The following NAV3 variants were observed in gnomAD, a reference collection of about 807,000 sequenced individuals.
The protein encoded by NAV3 is pore membrane and/or filament interacting like protein 1.
Under a neutral mutation model 244.7 loss-of-function variants are expected in NAV3, and 87 were observed. The ratio of observed to expected loss-of-function variants is 0.36; its 90% CI spans 0.30 to 0.42. The LOEUF (loss-of-function observed/expected upper bound fraction) is 0.42, where lower values mean the gene tolerates loss of function less well. NAV3 is among the 20% of genes least tolerant of loss of function. NAV3 has a pLI of 1.00. For missense variants in NAV3, 2,663 were observed against 2,893.3 expected (o/e 0.92, Z 1.83); for synonymous variants, 1,126 against 1,042.2 (o/e 1.08, Z -1.55).
intron 9 of NAV3, among the ~76,000 whole-genome samples, chr12:78,027,943 GTT>G (rs141866599): frequency 3.3e-5 from 5 of 150,956 alleles, no homozygotes; most frequent in Non-Finnish European, 7.4e-5. Flanking sequence ...AAAAGGAAGC[GTT>G]TTTTTTTGTT....
chr12:77,985,914 C>T (rs528421838), intron 5 of NAV3, among the ~76,000 whole-genome samples: 31 of 152,256 alleles, frequency 2.0e-4, no homozygotes, highest in Admixed American at 8.5e-4. Flanking sequence ...TCTTACATAT[C>T]TAAGGAAAGA....
intron 2 of NAV3, among the ~76,000 whole-genome samples, chr12:77,739,990 A>G (rs1868298771): frequency 6.6e-6 from 1 of 152,240 alleles, no homozygotes; most frequent in Non-Finnish European, 1.5e-5. Context: ...ATCAGATTTA[A>G]CAGTTATTTA....
chr12:77,613,432 G>C (rs530157177), intron 2 of NAV3, among the ~76,000 whole-genome samples: 5 of 152,084 alleles, frequency 3.3e-5, no homozygotes, highest in Non-Finnish European at 7.4e-5. Flanking sequence ...TTAGCAGCAG[G>C]GCCAGTGTCA....
Position 78,007,351 on chromosome 12 carries a change from A to C in NAV3, c.1813A>C (p.Ser605Arg), listed in dbSNP as rs761471682. Reference sequence around the variant, plus strand: ...CTGTACCATGACAGTGGCACAAAGCAGTGGGCAGAGCACAGGAAATGGTGC... The same window carrying C: ...CTGTACCATGACAGTGGCACAAAGCCGTGGGCAGAGCACAGGAAATGGTGC... ...GSCTMTVAQS[S>R]GQSTGNGAVQ... The change falls in exon 8 of 40, where the codon AGT (serine) becomes CGT (arginine). Residue 605 changes from serine (S) to arginine (R), a missense_variant. Ser to Arg is a moderately radical substitution (Grantham distance 110, BLOSUM62 -1). This residue lies in a region of NAV3 where 1,521 missense variants were observed against 1,497.0 expected (regional missense o/e 1.02). Coordinates refer to ENST00000397909, the MANE Select transcript of NAV3 (RefSeq NM_001024383.2). 6.8e-6 allele frequency: 11 copies of C among 1,614,086 alleles called. No homozygotes were observed. The highest frequency in any genetic ancestry group is 1.1e-5 in the South Asian group (1 of 91,092).
chr12:77,575,465 C>T (rs1051136054), intron 2 of NAV3, among the ~76,000 whole-genome samples: 46 of 152,002 alleles, frequency 3.0e-4, no homozygotes, highest in Admixed American at 2.9e-3. Flanking sequence ...GGAAAATTAT[C>T]GTGGCATCTC....
At chr12:77,890,912 A>G (rs1377385096) in intron 1 of NAV3, among the ~76,000 whole-genome samples, 1 of 152,222 alleles carries the variant, frequency 6.6e-6, no homozygotes, top group Non-Finnish European at 1.5e-5. Flanking sequence ...TAGTTCAAAG[A>G]GAGGAATCAT....
chr12:78,110,676 CAT>C (rs148753434), intron 12 of NAV3, among the ~76,000 whole-genome samples: 1 of 145,378 alleles, frequency 6.9e-6, no homozygotes, highest in South Asian at 2.2e-4. Flanking sequence ...GAAATAAAGC[CAT>C]ATATATATAT....
chr12:77,985,708 G>T (rs1050496125), intron 5 of NAV3, among the ~76,000 whole-genome samples: 3 of 151,984 alleles, frequency 2.0e-5, no homozygotes, highest in Admixed American at 6.6e-5. Context: ...TAGAGGCCCA[G>T]GATTTGTCTT....
chr12:77,699,014 G>A (rs1875439189), intron 2 of NAV3, among the ~76,000 whole-genome samples: 1 of 152,090 alleles, frequency 6.6e-6, no homozygotes, highest in South Asian at 2.1e-4. Context: ...ACCTAACTAT[G>A]TAGCAAACAT....
At chr12:77,687,651 G>A (rs754691884) in intron 2 of NAV3, among the ~76,000 whole-genome samples, 12 of 152,052 alleles carry the variant, frequency 7.9e-5, no homozygotes, top group South Asian at 6.2e-4. Flanking sequence ...ATATGGAAGC[G>A]TTCTAGCCTA....
At chr12:77,625,749 C>T (rs1871590869) in intron 2 of NAV3, among the ~76,000 whole-genome samples, 1 of 152,166 alleles carries the variant, frequency 6.6e-6, no homozygotes, top group Non-Finnish European at 1.5e-5. Context: ...TAATCAAAGC[C>T]AAAGTATCCT....
intron 29 of NAV3, among the ~76,000 whole-genome samples, 176 bp downstream of exon 29, chr12:78,179,858 C>G (rs1251989563): frequency 6.6e-6 from 1 of 152,048 alleles, no homozygotes; most frequent in Non-Finnish European, 1.5e-5. Flanking sequence ...TTTGTCAAAT[C>G]CAAGTTTGGA....
At chr12:77,874,147 C>T (rs1881496474) in intron 1 of NAV3, among the ~76,000 whole-genome samples, 1 of 151,960 alleles carries the variant, frequency 6.6e-6, no homozygotes, top group Non-Finnish European at 1.5e-5. Flanking sequence ...TGAAACTGGT[C>T]CCTGGTGCCA....
intron 39 of NAV3, among the ~76,000 whole-genome samples, chr12:78,209,199 AG>A (rs993125391): frequency 6.6e-6 from 1 of 152,182 alleles, no homozygotes; most frequent in Non-Finnish European, 1.5e-5. Flanking sequence ...TTTGTCAGAA[AG>A]GAATTCTTGC....
intron 28 of NAV3, among the ~76,000 whole-genome samples, chr12:78,178,248 C>A (rs1369607516): frequency 6.6e-6 from 1 of 150,500 alleles, no homozygotes; most frequent in Admixed American, 6.6e-5. Context: ...CAACCTCTGC[C>A]TCATGGGTTC....
chr12:77,797,339 T>G lies in NAV3; in HGVS notation c.73-142980T>G, dbSNP rs1395288607. On this transcript the variant is annotated intron_variant, in intron 2 of 8. Coordinates refer to the NAV3 transcript ENST00000550042. Reference sequence around the variant, plus strand: ...TCATTTGTTTTTCCTAAAATTTACTTTCTACATATGGTTTTATATAAAACA... The same window carrying G: ...TCATTTGTTTTTCCTAAAATTTACTGTCTACATATGGTTTTATATAAAACA... 3.3e-5 allele frequency among the ~76,000 whole-genome samples: 5 copies of G among 152,034 alleles called. No homozygotes were observed. The East Asian group carries it at 9.6e-4, about 29-fold the overall frequency.
chr12:77,783,957 G>A lies in NAV3; in HGVS notation c.73-156362G>A, dbSNP rs574057652. 5.3e-5 allele frequency among the ~76,000 whole-genome samples: 8 copies of A among 152,272 alleles called. No individual in the cohort carries two copies. In the South Asian group the frequency reaches 1.7e-3, roughly 32 times the overall value. ...TAAAATTATAGTGAGTAAAAGCACA[G>A]ACTTTGGGATCAAAGTAATGGGTTT... On this transcript the variant is annotated intron_variant, in intron 2 of 8. Transcript: ENST00000550042.
At chr12:77,598,949 A>T (rs747001093) in intron 2 of NAV3, among the ~76,000 whole-genome samples, 2 of 151,980 alleles carry the variant, frequency 1.3e-5, no homozygotes, top group Non-Finnish European at 2.9e-5. Flanking sequence ...TCTCTAGAAC[A>T]TATTCACCTT....
intron 1 of NAV3, among the ~76,000 whole-genome samples, chr12:77,859,700 C>T (rs1878939028): frequency 8.5e-6 from 1 of 118,108 alleles, no homozygotes. Flanking sequence ...GTAATACATG[C>T]ATAGGAATGG....
Sources: allele counts gnomAD v4.1 joint callset (sites outside exome capture counted in the v4.1 genomes callset), GRCh38; gene constraint gnomAD v4.1.1; regional missense constraint gnomAD v4.1.1; transcripts MANE v1.5; gene names NCBI Gene and HGNC (gene_info 2026-07-23, HGNC 2026-07-21).